SLC1A2: variants seen among roughly 807,000 people sequenced by gnomAD.
The protein encoded by SLC1A2 is excitatory amino acid transporter 2.
SLC1A2 carries 15 observed loss-of-function variants against 48.8 expected under a neutral mutation model. That is an observed-to-expected ratio of 0.31 (90% CI 0.21 to 0.47). The LOEUF (loss-of-function observed/expected upper bound fraction) is 0.47. SLC1A2 is among the 20% of genes least tolerant of loss of function. The pLI is 0.99. For missense variants in SLC1A2, 502 were observed against 730.5 expected (o/e 0.69, Z 3.61); for synonymous variants, 279 against 272.6 (o/e 1.02, Z -0.23).
At chr11:35,334,883 C>T (rs1188538861) in intron 1 of SLC1A2, among the ~76,000 whole-genome samples, 1 of 146,038 alleles carries the variant, frequency 6.8e-6, no homozygotes, top group Non-Finnish European at 1.5e-5. Context: ...TGCAACATCC[C>T]TTAAGACAGA....
chr11:35,402,578 T>G (rs1923307), intron 1 of SLC1A2, among the ~76,000 whole-genome samples: 19,076 of 152,238 alleles, frequency 0.13, 3,167 homozygotes, highest in African/African-American at 0.38. Context: ...AGGGAATTAT[T>G]GAACTTGAGG....
chr11:35,279,622 C>A (rs188561915), intron 9 of SLC1A2, among the ~76,000 whole-genome samples: 22 of 152,336 alleles, frequency 1.4e-4, no homozygotes, highest in Admixed American at 1.0e-3. Context: ...TTCAGCTCAG[C>A]TACCACTGCC....
At chr11:35,316,534 G>A (rs1425647012) in intron 2 of SLC1A2, 2 of 152,178 alleles carry the variant, frequency 1.3e-5, no homozygotes, top group Non-Finnish European at 1.5e-5. Flanking sequence ...CCTGATCCTG[G>A]GCCACTGGCA....
intron 1 of SLC1A2, chr11:35,360,046 A>G (rs931517443): frequency 1.2e-4 from 115 of 983,290 alleles, no homozygotes; most frequent in Non-Finnish European, 1.4e-4. Context: ...TTCTGACCTG[A>G]CCATTCTCTC....
At chr11:35,395,984 T>C (rs1354971565) in intron 1 of SLC1A2, among the ~76,000 whole-genome samples, 1 of 149,436 alleles carries the variant, frequency 6.7e-6, no homozygotes, top group African/African-American at 2.5e-5. Flanking sequence ...ATTTCATCCA[T>C]GTCCCTACAA....
intron 9 of SLC1A2, 51 bp downstream of exon 9, chr11:35,280,816 C>T (rs1167309353): frequency 4.4e-6 from 6 of 1,356,592 alleles, no homozygotes; most frequent in Non-Finnish European, 6.1e-6. Flanking sequence ...CTGTGCATCC[C>T]TAGGAGGCAG....
At chr11:35,364,009 G>A (rs566107139) in intron 1 of SLC1A2, among the ~76,000 whole-genome samples, 1 of 152,314 alleles carries the variant, frequency 6.6e-6, no homozygotes, top group South Asian at 2.1e-4. Flanking sequence ...CTCAGACCCA[G>A]GACCCTGCAC....
intron 1 of SLC1A2, among the ~76,000 whole-genome samples, chr11:35,392,653 C>T (rs922608260): frequency 6.6e-6 from 1 of 152,214 alleles, no homozygotes; most frequent in African/African-American, 2.4e-5. Flanking sequence ...GGGGTTCCCA[C>T]ACTCTTTTTC....
intron 1 of SLC1A2, among the ~76,000 whole-genome samples, chr11:35,370,774 G>A (rs1050278771): frequency 6.6e-6 from 1 of 152,138 alleles, no homozygotes; most frequent in Admixed American, 6.6e-5. Context: ...ATGGCAGAAA[G>A]TGAAATCCCC....
intron 6 of SLC1A2, among the ~76,000 whole-genome samples, chr11:35,294,437 T>A (rs1851108809): frequency 6.6e-6 from 1 of 152,184 alleles, no homozygotes; most frequent in African/African-American, 2.4e-5. Flanking sequence ...CATTTTATAT[T>A]CTGCTGGTGT....
intron 1 of SLC1A2, among the ~76,000 whole-genome samples, chr11:35,390,495 C>T (rs976352570): frequency 2.0e-5 from 3 of 151,958 alleles, no homozygotes; most frequent in Non-Finnish European, 4.4e-5. Context: ...ACTGACCACT[C>T]GAAATGTGAC....
At chr11:35,268,071 C>T (rs1327959156) in intron 9 of SLC1A2, among the ~76,000 whole-genome samples, 2 of 152,206 alleles carry the variant, frequency 1.3e-5, no homozygotes, top group Non-Finnish European at 2.9e-5. Flanking sequence ...GAGAAAAGTA[C>T]AGGCTACAGA....
intron 1 of SLC1A2, among the ~76,000 whole-genome samples, chr11:35,372,517 C>A (rs1854094467): frequency 6.6e-6 from 1 of 152,192 alleles, no homozygotes; most frequent in African/African-American, 2.4e-5. Flanking sequence ...GTGATTATTG[C>A]AAACTTATTC....
intron 1 of SLC1A2, among the ~76,000 whole-genome samples, chr11:35,332,683 C>G (rs1184686311): frequency 6.6e-6 from 1 of 152,132 alleles, no homozygotes; most frequent in Admixed American, 6.6e-5. Context: ...TTGCCATGGA[C>G]AATCATGCTT....
At chr11:35,329,758 C>T (rs920813156) in intron 1 of SLC1A2, among the ~76,000 whole-genome samples, 4 of 152,164 alleles carry the variant, frequency 2.6e-5, no homozygotes, top group African/African-American at 9.7e-5. Context: ...ACCATCCCGC[C>T]GTTGGATAGC....
intron 8 of SLC1A2, among the ~76,000 whole-genome samples, chr11:35,282,988 C>T (rs1338080901): frequency 1.4e-5 from 2 of 147,818 alleles, no homozygotes; most frequent in African/African-American, 5.4e-5. Flanking sequence ...TGGCTCACTT[C>T]TCTAGGGTTC....
chr11:35,375,059 C>T (rs1336153913), intron 1 of SLC1A2, among the ~76,000 whole-genome samples: 2 of 152,148 alleles, frequency 1.3e-5, no homozygotes, highest in African/African-American at 4.8e-5. Flanking sequence ...TTTTTAAAAA[C>T]CGCAGTTTTC....
At chr11:35,342,355 T>C (rs564665566) in intron 1 of SLC1A2, among the ~76,000 whole-genome samples, 1 of 152,332 alleles carries the variant, frequency 6.6e-6, no homozygotes, top group South Asian at 2.1e-4. Context: ...TACTAAGCTC[T>C]GTGTGAAGAT....
chr11:35,394,794 G>A (rs1262161573), intron 1 of SLC1A2, among the ~76,000 whole-genome samples: 2 of 152,188 alleles, frequency 1.3e-5, no homozygotes, highest in East Asian at 3.9e-4. Context: ...AAGCCGTTGG[G>A]CACGACATGG....
Sources: allele counts gnomAD v4.1 joint callset (sites outside exome capture counted in the v4.1 genomes callset), GRCh38; gene constraint gnomAD v4.1.1; transcripts MANE v1.5; gene names NCBI Gene and HGNC (gene_info 2026-07-23, HGNC 2026-07-21).